MARCHF11: variants seen among roughly 807,000 people sequenced by gnomAD.
The protein encoded by MARCHF11 is E3 ubiquitin-protein ligase MARCHF11.
In MARCHF11, 29 loss-of-function variants were observed where a neutral mutation model predicts 37.3. The ratio of observed to expected loss-of-function variants is 0.78; its 90% confidence interval spans 0.58 to 1.06. The LOEUF (loss-of-function observed/expected upper bound fraction) is 1.06, where lower values mean the gene tolerates loss of function less well. MARCHF11 is among the 50% of genes least tolerant of loss of function. MARCHF11 has a pLI of 0.00. For synonymous variants in MARCHF11, 233 were observed against 228.0 expected, an observed-to-expected ratio of 1.02 and a Z score of -0.20; for missense variants, 482 against 533.4, an observed-to-expected ratio of 0.90 and a Z score of 0.95.
Position 16,179,205 on chromosome 5 carries a change from G to A in MARCHF11, c.371C>T (p.Ala124Val). 7.4e-7 allele frequency: 1 copy of A among 1,347,150 alleles called. No homozygotes were observed. Among genetic ancestry groups the A allele is most frequent in the Non-Finnish European group, 9.5e-7 (1 of 1,056,036 alleles). 83.4% of individuals were successfully genotyped at this position (1,347,150 alleles called of 1,614,324 possible). The change falls in exon 1 of 4, where the codon GCC (alanine) becomes GTC (valine). Residue 124 changes from alanine to valine, a missense_variant. Transcript: ENST00000332432. The part of the protein sequence containing the change: ...AAKGGPGESE[A>V]GAGGERERRG... The stretch of plus-strand genomic sequence containing the variant: ...CCGCTCGCGCTCGCCGCCCGCGCCG[G>A]CCTCAGACTCCCCGGGGCCGCCTTT...
intron 2 of MARCHF11, among the ~76,000 whole-genome samples, chr5:16,122,879 C>T (rs577914180): frequency 6.6e-6 from 1 of 152,262 alleles, no homozygotes; most frequent in East Asian, 1.9e-4. Context: ...TAAAAGATAC[C>T]TCCCCAGGAG....
chr5:16,170,185 A>G (rs950408276), intron 2 of MARCHF11, among the ~76,000 whole-genome samples: 1 of 152,152 alleles, frequency 6.6e-6, no homozygotes, highest in Non-Finnish European at 1.5e-5. Context: ...GCTCATCTAT[A>G]TCCATGATCA....
In MARCHF11 at chr5:16,067,545, G is replaced by T. The variant is rs537978378; in HGVS notation, c.1135C>A (p.Arg379=). The change falls in exon 4 of 4, where the codon CGG becomes AGG. Residue 379 remains arginine, a synonymous_variant. Transcript: ENST00000332432. ...GATAAGTCTTCATGGGGCCTCATCC[G>T]ATTGAACAGGTGCAATAACACATAG... ...CGYVLLHLFN[R]MRPHEDLSED... 8 of 1,613,772 alleles carry T rather than the reference G, an allele frequency of 5.0e-6. No homozygotes were observed. Among genetic ancestry groups the T allele is most frequent in the African/African-American group, 1.3e-5 (1 of 74,876 alleles).
chr5:16,099,070 G>T (rs189297863), intron 2 of MARCHF11, among the ~76,000 whole-genome samples: 8 of 152,008 alleles, frequency 5.3e-5, no homozygotes, highest in African/African-American at 1.9e-4. Context: ...CTTAATAAAA[G>T]CCATTTTCTT....
intron 2 of MARCHF11, among the ~76,000 whole-genome samples, chr5:16,160,059 C>A (rs960285740): frequency 6.6e-6 from 1 of 151,668 alleles, no homozygotes; most frequent in Non-Finnish European, 1.5e-5. Flanking sequence ...ACCACTGTTT[C>A]TTTTACAAAT....
intron 2 of MARCHF11, among the ~76,000 whole-genome samples, chr5:16,151,252 T>A (rs1279578889): frequency 6.6e-6 from 1 of 152,050 alleles, no homozygotes; most frequent in Admixed American, 6.6e-5. Context: ...ATAATTTACA[T>A]AGTCATTCAC....
Position 16,179,470 on chromosome 5 carries a change from GCGGCGGCGT to G in MARCHF11, c.97_105del (p.Thr33_Pro35del). The G allele has an allele frequency of 3.5e-6, 4 of 1,132,026 alleles. No individual in the cohort carries two copies. The highest frequency in any genetic ancestry group is 4.3e-6 in the Non-Finnish European group (4 of 925,032). The allele number at this position is 1,132,026 out of a possible 1,614,324, so 70.1% of individuals were successfully genotyped here. A position where few individuals can be genotyped will look rare whatever the true frequency, so the allele number is the denominator to read the frequency against. ...GCGGGGACCGGGGCCGGCTCTCCCG[GCGGCGGCGT>G]CGGCGGCGGCGGCGGGGGAGGTTGC... On this transcript the variant is annotated inframe_deletion, in exon 1 of 4. Transcript: ENST00000332432.
chr5:16,090,682 GT>G (rs1247405335), intron 3 of MARCHF11, among the ~76,000 whole-genome samples: 1 of 151,482 alleles, frequency 6.6e-6, no homozygotes, highest in Non-Finnish European at 1.5e-5. Flanking sequence ...GCATTATCCT[GT>G]TAATTTTTTT....
Position 16,179,218 on chromosome 5 carries a change from C to T in MARCHF11, c.358G>A (p.Gly120Arg), listed in dbSNP as rs1482332727. ...PEAAAAKGGP[G>R]ESEAGAGGER... ...CCGCCCGCGCCGGCCTCAGACTCCC[C>T]GGGGCCGCCTTTCGCTGCTGCCGCC... The change falls in exon 1 of 4, where the codon GGG becomes AGG. Residue 120 changes from glycine (G) to arginine (R), a missense_variant. By Grantham distance (125) the Gly-to-Arg change is moderately radical (BLOSUM62 -2). Transcript: ENST00000332432. The T allele has an allele frequency of 3.7e-6, 5 of 1,350,128 alleles. No individual in the cohort carries two copies. The highest frequency in any genetic ancestry group is 4.7e-6 in the Non-Finnish European group (5 of 1,053,374). 83.6% of individuals were successfully genotyped at this position (1,350,128 alleles called of 1,614,324 possible).
At chr5:16,081,002 T>C (rs1736599903) in intron 3 of MARCHF11, among the ~76,000 whole-genome samples, 2 of 152,152 alleles carry the variant, frequency 1.3e-5, no homozygotes, top group Non-Finnish European at 2.9e-5. Context: ...CCATACCAGA[T>C]TTCATACGAT....
At chr5:16,154,604 A>AG (rs369822346) in intron 2 of MARCHF11, among the ~76,000 whole-genome samples, 180 of 151,244 alleles carry the variant, frequency 1.2e-3, no homozygotes, top group African/African-American at 4.1e-3. Flanking sequence ...CCAAAAAGGG[A>AG]GGGGGGGGAG....
intron 2 of MARCHF11, among the ~76,000 whole-genome samples, chr5:16,105,788 G>T (rs1170009551): frequency 1.3e-5 from 2 of 151,684 alleles, no homozygotes; most frequent in Non-Finnish European, 1.5e-5. Flanking sequence ...GTTTTTTTTT[G>T]TTTTGTTTTT....
chr5:16,067,743 G>T lies in MARCHF11; in HGVS notation c.937C>A (p.Arg313=). The T allele has an allele frequency of 6.2e-7, 1 of 1,613,728 alleles. No homozygotes were observed. Among genetic ancestry groups the T allele is most frequent in the Non-Finnish European group, 8.5e-7 (1 of 1,179,816 alleles). The change falls in exon 4 of 4, where the codon CGA becomes AGA. Residue 313 remains arginine, a synonymous_variant. Coordinates refer to ENST00000332432, the MANE Select transcript of MARCHF11 (RefSeq NM_001102562.3). ...AAVYRVFKRW[R]AVNLHWDVLN... is the part of the protein sequence containing the mutation. ...ACATCCCAGTGCAAATTCACAGCTCGCCAGCGCTTAAACACTCTGTAAACT... is the reference window on the plus strand; with the variant it reads ...ACATCCCAGTGCAAATTCACAGCTCTCCAGCGCTTAAACACTCTGTAAACT...
chr5:16,126,402 A>G (rs1396568885), intron 2 of MARCHF11, among the ~76,000 whole-genome samples: 6 of 152,224 alleles, frequency 3.9e-5, no homozygotes, highest in African/African-American at 1.4e-4. Flanking sequence ...TGGCAGATAA[A>G]CTAATTTTTA....
At chr5:16,137,788 A>G (rs1737631805) in intron 2 of MARCHF11, among the ~76,000 whole-genome samples, 1 of 152,206 alleles carries the variant, frequency 6.6e-6, no homozygotes, top group Non-Finnish European at 1.5e-5. Flanking sequence ...GCTAAGCTTT[A>G]GCAAAGAGAT....
chr5:16,140,762 T>C (rs958741925), intron 2 of MARCHF11, among the ~76,000 whole-genome samples: 5 of 152,182 alleles, frequency 3.3e-5, no homozygotes, highest in African/African-American at 7.2e-5. Flanking sequence ...AATATGTCCA[T>C]ATAATTATTC....
At chr5:16,108,878 G>GTGCA (rs1737090640) in intron 2 of MARCHF11, among the ~76,000 whole-genome samples, 1 of 152,088 alleles carries the variant, frequency 6.6e-6, no homozygotes, top group Non-Finnish European at 1.5e-5. Context: ...CATTTGTAAA[G>GTGCA]TGCATGCATG....
At chr5:16,114,059 C>G (rs1247471703) in intron 2 of MARCHF11, among the ~76,000 whole-genome samples, 1 of 151,490 alleles carries the variant, frequency 6.6e-6, no homozygotes, top group Non-Finnish European at 1.5e-5. Context: ...TCTTTCTGTG[C>G]CTGGCTTATT....
intron 2 of MARCHF11, among the ~76,000 whole-genome samples, chr5:16,117,373 G>A (rs1040399985): frequency 6.6e-6 from 1 of 152,190 alleles, no homozygotes; most frequent in Admixed American, 6.5e-5. Flanking sequence ...ACAGCCATCT[G>A]ATAAAATGGT....
Sources: allele counts gnomAD v4.1 joint callset (sites outside exome capture counted in the v4.1 genomes callset), GRCh38; gene constraint gnomAD v4.1.1; transcripts MANE v1.5; gene names NCBI Gene and HGNC (gene_info 2026-07-23, HGNC 2026-07-21).